Variants in TIAM2 observed in about 807,000 individuals in gnomAD.
The protein encoded by TIAM2 is rho guanine nucleotide exchange factor TIAM2.
A neutral mutation model predicts 152.9 loss-of-function variants in TIAM2; 80 were observed. That is an observed-to-expected ratio of 0.52 (90% confidence interval 0.44 to 0.63). TIAM2 has a LOEUF of 0.63. Ranked by LOEUF, TIAM2 falls within the 30% of genes least tolerant of loss-of-function variation. TIAM2 has a pLI of 0.00. For missense variants in TIAM2, 1,965 were observed against 2,120.1 expected, an observed-to-expected ratio of 0.93 and a Z score of 1.44; for synonymous variants, 804 against 838.0, an observed-to-expected ratio of 0.96 and a Z score of 0.70.
chr6:155,028,459 AATAT>A (rs994471745), intron 1 of TIAM2, among the ~76,000 whole-genome samples: 6 of 135,646 alleles, frequency 4.4e-5, no homozygotes, highest in Non-Finnish European at 7.9e-5. Flanking sequence ...TACTACATAT[AATAT>A]ATATACTGTG....
At chr6:155,026,529 G>C (rs965580652) in intron 1 of TIAM2, among the ~76,000 whole-genome samples, 1 of 152,226 alleles carries the variant, frequency 6.6e-6, no homozygotes, top group Non-Finnish European at 1.5e-5. Context: ...CAGAACACTG[G>C]GGGAGGGCTG....
In TIAM2 at chr6:155,059,321, T is replaced by TGCGCGCGC. The variant is rs1554227485; in HGVS notation, c.-208-30967_-208-30966insCGCGCGCG. On this transcript the variant is annotated intron_variant, in intron 1 of 26. Coordinates refer to ENST00000682666, the MANE Select transcript of TIAM2 (RefSeq NM_012454.4). ...GTGTGTGTGTGTGTGTGTGTGTGTG[T>TGCGCGCGC]GTGTGCGCGTGTATGTTTTTGAGAC... Among the ~76,000 whole-genome samples, 732 of 117,440 alleles carry TGCGCGCGC rather than the reference T, an allele frequency of 6.2e-3. 3 individuals carry two copies. The highest frequency in any genetic ancestry group is 0.023 in the African/African-American group (682 of 30,018). The allele number at this position is 117,440 out of a possible 152,430, so 77.0% of individuals were successfully genotyped here.
intron 1 of TIAM2, among the ~76,000 whole-genome samples, chr6:155,041,501 G>A (rs1777047154): frequency 6.6e-6 from 1 of 152,062 alleles, no homozygotes; most frequent in African/African-American, 2.4e-5. Context: ...TATTGAGAGC[G>A]AGTAAAACAA....
At chr6:155,201,350 A>G (rs1191839399) in intron 14 of TIAM2, among the ~76,000 whole-genome samples, 6 of 152,172 alleles carry the variant, frequency 3.9e-5, no homozygotes, top group Admixed American at 3.9e-4. Flanking sequence ...CTTTGAACTT[A>G]AATTCAACTT....
intron 7 of TIAM2, among the ~76,000 whole-genome samples, chr6:155,148,761 C>G (rs1779877386): frequency 6.6e-6 from 1 of 151,856 alleles, no homozygotes; most frequent in African/African-American, 2.4e-5. Context: ...CTATGGATTG[C>G]AAAAAAACAG....
At chr6:155,244,547 C>A in intron 17 of TIAM2, 111 bp from the exon 18 acceptor site, 2 of 1,328,126 alleles carry the variant, frequency 1.5e-6, no homozygotes, top group Non-Finnish European at 2.1e-6. Flanking sequence ...TACTTTCTGT[C>A]TGCTTTTCCG....
chr6:155,250,784 C>T (rs577282572), intron 21 of TIAM2, 129 bp from the exon 22 acceptor site: 8 of 1,140,364 alleles, frequency 7.0e-6, no homozygotes, highest in Admixed American at 6.0e-5. Context: ...CCCATGTTTA[C>T]AGGTATCATA....
chr6:155,060,240 C>T (rs1179958223), intron 1 of TIAM2, among the ~76,000 whole-genome samples: 2 of 151,926 alleles, frequency 1.3e-5, no homozygotes, highest in African/African-American at 4.8e-5. Flanking sequence ...CCCGTCTCTA[C>T]TAAAAATACA....
intron 2 of TIAM2, among the ~76,000 whole-genome samples, chr6:155,113,181 G>C (rs546729262): frequency 2.0e-5 from 3 of 152,168 alleles, no homozygotes; most frequent in African/African-American, 7.2e-5. Flanking sequence ...CCCCTCGCTT[G>C]CTCTGCTGCG....
At chr6:155,251,404 A>G (rs1335217605) in intron 22 of TIAM2, among the ~76,000 whole-genome samples, 4 of 152,128 alleles carry the variant, frequency 2.6e-5, no homozygotes, top group Non-Finnish European at 5.9e-5. Flanking sequence ...CCCCTGCCTA[A>G]GCCTCCTGAG....
At chr6:155,021,958 C>T (rs1328823082) in intron 1 of TIAM2, among the ~76,000 whole-genome samples, 5 of 152,186 alleles carry the variant, frequency 3.3e-5, no homozygotes, top group Non-Finnish European at 7.3e-5. Flanking sequence ...CCTCTTTCTG[C>T]GGCTTTCCCA....
intron 2 of TIAM2, among the ~76,000 whole-genome samples, chr6:155,111,307 ACACACAC>A (rs779089036): frequency 0.13 from 10,854 of 80,518 alleles, 515 homozygotes; most frequent in East Asian, 0.42. Flanking sequence ...ATACACACAC[ACACACAC>A]ACACACACAC....
chr6:155,256,318 T>C (rs949098652), intron 26 of TIAM2, 166 bp from the exon 27 acceptor site: 133 of 1,002,136 alleles, frequency 1.3e-4, no homozygotes, highest in Non-Finnish European at 1.8e-4. Flanking sequence ...AAAATGTCCA[T>C]GTTTTCAGTA....
intron 1 of TIAM2, among the ~76,000 whole-genome samples, chr6:155,070,153 T>A (rs1777804311): frequency 6.7e-6 from 1 of 148,728 alleles, no homozygotes; most frequent in Non-Finnish European, 1.5e-5. Flanking sequence ...GTGATCTGCC[T>A]GCCCCACCTC....
At position 155,137,621 on chromosome 6, in the gene TIAM2, A is replaced by G. The variant is rs1366690758; in HGVS notation, c.1630+9A>G. ...CTGGGTAACGCTGAAAGGTGAGTGC[A>G]GTGTCACCTGCTGAGGCCACTGGGG... is the stretch of plus-strand genomic sequence containing the variant. On this transcript the variant is annotated intron_variant, in intron 5 of 26. Coordinates refer to ENST00000682666, the MANE Select transcript of TIAM2 (RefSeq NM_012454.4). 2.6e-6 allele frequency: 4 copies of G among 1,558,520 alleles called. No homozygotes were observed. The highest frequency in any genetic ancestry group is 3.5e-6 in the Non-Finnish European group (4 of 1,158,726).
chr6:155,192,685 A>G (rs1453335968), intron 14 of TIAM2, among the ~76,000 whole-genome samples: 3 of 151,858 alleles, frequency 2.0e-5, no homozygotes, highest in African/African-American at 4.8e-5. Flanking sequence ...ACATTTTTGC[A>G]AATTTCTTTA....
At chr6:155,118,429 CTTTTTCTT>C (rs1779066123) in intron 2 of TIAM2, among the ~76,000 whole-genome samples, 2 of 132,328 alleles carry the variant, frequency 1.5e-5, no homozygotes, top group Non-Finnish European at 3.1e-5. Flanking sequence ...TTTTCTTTTT[CTTTTTCTT>C]TTTTTTTTTT....
At chr6:155,035,604 C>T (rs1037321140) in intron 1 of TIAM2, among the ~76,000 whole-genome samples, 1 of 152,152 alleles carries the variant, frequency 6.6e-6, no homozygotes, top group African/African-American at 2.4e-5. Context: ...TGATCATCAT[C>T]ATTGAAACTG....
At chr6:155,013,949 C>CACACACACACACACAT in intron 1 of TIAM2, 1 of 151,684 alleles carries the variant, frequency 6.6e-6, no homozygotes, top group Non-Finnish European at 1.5e-5. Context: ...CACACACACA[C>CACACACACACACACAT]ACACCTGAGA....
Sources: gnomAD v4.1 joint callset for allele counts (sites outside exome capture counted in the v4.1 genomes callset) on GRCh38, gnomAD v4.1.1 for gene constraint, MANE v1.5 for transcripts, NCBI Gene and HGNC (gene_info 2026-07-23, HGNC 2026-07-21) for gene names.